Variants in RAB11FIP4 observed in about 807,000 individuals in gnomAD.
RAB11FIP4 encodes rab11 family-interacting protein 4.
In RAB11FIP4, 23 loss-of-function variants were observed where a neutral mutation model predicts 74.3. The ratio of observed to expected loss-of-function variants is 0.31; its 90% CI spans 0.22 to 0.44. The LOEUF is 0.44. Ranked by LOEUF, RAB11FIP4 falls within the 20% of genes least tolerant of loss-of-function variation. RAB11FIP4 has a pLI of 1.00. For missense variants in RAB11FIP4, 630 were observed against 863.9 expected (o/e 0.73, Z 3.39); for synonymous variants, 360 against 359.9 (o/e 1.00, Z 0.00).
At chr17:31,525,795 G>A (rs972135361) in intron 10 of RAB11FIP4, 4 of 156,754 alleles carry the variant, frequency 2.6e-5, no homozygotes, top group Non-Finnish European at 5.7e-5. Flanking sequence ...TCCAGACCCT[G>A]CCCACGGGTG....
At chr17:31,432,995 A>T (rs2071325034) in intron 2 of RAB11FIP4, among the ~76,000 whole-genome samples, 1 of 152,194 alleles carries the variant, frequency 6.6e-6, no homozygotes, top group African/African-American at 2.4e-5. Flanking sequence ...AAATACAAAA[A>T]ATTAGCCGGG....
At chr17:31,424,556 C>T (rs376922539) in intron 1 of RAB11FIP4, among the ~76,000 whole-genome samples, 21 of 150,484 alleles carry the variant, frequency 1.4e-4, no homozygotes, top group East Asian at 3.9e-4. Flanking sequence ...ACTACAGGCG[C>T]GCACCACCAC....
chr17:31,483,709 G>A (rs763115955), intron 3 of RAB11FIP4, among the ~76,000 whole-genome samples: 1 of 152,068 alleles, frequency 6.6e-6, no homozygotes, highest in Non-Finnish European at 1.5e-5. Flanking sequence ...TTGTTCACTT[G>A]GCTAATATTG....
chr17:31,432,219 G>A (rs1201515839), intron 2 of RAB11FIP4, among the ~76,000 whole-genome samples: 2 of 152,144 alleles, frequency 1.3e-5, no homozygotes, highest in Non-Finnish European at 2.9e-5. Context: ...CAAACCCAGT[G>A]AGTCTCCTGG....
At chr17:31,450,306 C>T (rs1382165319) in intron 3 of RAB11FIP4, among the ~76,000 whole-genome samples, 1 of 147,826 alleles carries the variant, frequency 6.8e-6, no homozygotes, top group East Asian at 2.0e-4. Context: ...CGCACACCAC[C>T]CCCCCGCCAC....
rs778461559 is a variant in RAB11FIP4, at chr17:31,405,374, C to CT, written c.159+13376dup. Among the ~76,000 whole-genome samples the CT allele has an allele frequency of 5.1e-3, 744 of 146,440 alleles. 5 individuals carry two copies. The highest frequency in any genetic ancestry group is 0.045 in the East Asian group (226 of 5,048). ...AGGAATCATTTGAAGGGCAGCTGAT[C>CT]TTTTTTTTTTTTTGAGACGGAGTCT... On this transcript the variant is annotated intron_variant, in intron 1 of 14. Coordinates refer to ENST00000621161, the MANE Select transcript of RAB11FIP4 (RefSeq NM_032932.6).
chr17:31,436,205 C>A (rs1041126862), intron 3 of RAB11FIP4, among the ~76,000 whole-genome samples: 12 of 152,212 alleles, frequency 7.9e-5, no homozygotes, highest in African/African-American at 2.9e-4. Context: ...GTGTCCTCAA[C>A]TGTAAAACAA....
At chr17:31,425,294 G>T (rs1475887146) in intron 1 of RAB11FIP4, among the ~76,000 whole-genome samples, 2 of 152,342 alleles carry the variant, frequency 1.3e-5, no homozygotes, top group East Asian at 1.9e-4. Context: ...TTTGATTCCC[G>T]TGAGTAATGG....
At chr17:31,472,094 G>A (rs753326965) in intron 3 of RAB11FIP4, among the ~76,000 whole-genome samples, 3 of 151,980 alleles carry the variant, frequency 2.0e-5, no homozygotes, top group Non-Finnish European at 2.9e-5. Context: ...CCCGGGAGGC[G>A]GAGGTTGCAG....
At chr17:31,432,009 GC>G in intron 2 of RAB11FIP4, 109 bp downstream of exon 2, 2 of 816,438 alleles carry the variant, frequency 2.4e-6, no homozygotes, top group East Asian at 2.6e-5. Flanking sequence ...GGGTCCCAGA[GC>G]CCAGGATGGG....
intron 1 of RAB11FIP4, among the ~76,000 whole-genome samples, chr17:31,423,769 A>G (rs1467956260): frequency 6.6e-6 from 1 of 152,194 alleles, no homozygotes; most frequent in Non-Finnish European, 1.5e-5. Flanking sequence ...GGAGTAGGCT[A>G]GGACCTCAAA....
At chr17:31,458,269 G>T (rs527955268) in intron 3 of RAB11FIP4, among the ~76,000 whole-genome samples, 1 of 152,202 alleles carries the variant, frequency 6.6e-6, no homozygotes, top group African/African-American at 2.4e-5. Context: ...ATCCCTGGAG[G>T]CAGGACCAGA....
At chr17:31,498,460 G>T (rs2072157959) in intron 3 of RAB11FIP4, among the ~76,000 whole-genome samples, 1 of 152,210 alleles carries the variant, frequency 6.6e-6, no homozygotes, top group Non-Finnish European at 1.5e-5. Flanking sequence ...AGGAGGAGAG[G>T]GTTATAAAAA....
chr17:31,402,835 C>T (rs1234065355), intron 1 of RAB11FIP4, among the ~76,000 whole-genome samples: 2 of 151,718 alleles, frequency 1.3e-5, no homozygotes, highest in Admixed American at 6.6e-5. Flanking sequence ...CCGTGTTAGC[C>T]AGGATGGTCT....
At chr17:31,486,184 A>C (rs2071899669) in intron 3 of RAB11FIP4, among the ~76,000 whole-genome samples, 1 of 152,078 alleles carries the variant, frequency 6.6e-6, no homozygotes, top group African/African-American at 2.4e-5. Flanking sequence ...CAGTGAGCCA[A>C]GCTCACGCCA....
At chr17:31,520,503 GT>G (rs1218560434) in intron 4 of RAB11FIP4, among the ~76,000 whole-genome samples, 2 of 151,898 alleles carry the variant, frequency 1.3e-5, no homozygotes, top group African/African-American at 4.8e-5. Context: ...TTTTTTGTTT[GT>G]TTTTTTGTTT....
chr17:31,527,829 C>A lies in RAB11FIP4; in HGVS notation c.1275-13C>A. 6.3e-7 allele frequency: 1 copy of A among 1,595,098 alleles called. No homozygotes were observed. Among genetic ancestry groups the A allele is most frequent in the Non-Finnish European group, 8.5e-7 (1 of 1,170,472 alleles). On this transcript the variant is annotated splice_polypyrimidine_tract_variant and intron_variant, in intron 10 of 14. Coordinates refer to ENST00000621161, the MANE Select transcript of RAB11FIP4 (RefSeq NM_032932.6). ...TTCCAGGTTTCTGAGATTTGTCTTT[C>A]TCCTTTCGCCAGGGTGCAGCAGTTG... is the stretch of plus-strand genomic sequence containing the variant.
In RAB11FIP4 at chr17:31,504,276, A is replaced by C. The variant is rs1427943029; in HGVS notation, c.337-13375A>C. Among the ~76,000 whole-genome samples, 2 of 149,422 alleles carry C rather than the reference A, an allele frequency of 1.3e-5. 1 individual carries two copies. The highest frequency in any genetic ancestry group is 5.1e-5 in the African/African-American group (2 of 39,034). ...CTCCCGAGTAGCTGGAACTACAGGC[A>C]CCCACCACCACGCCCGGCTAATTTT... is the stretch of plus-strand genomic sequence containing the variant. On this transcript the variant is annotated intron_variant, in intron 3 of 14. Coordinates refer to ENST00000621161, the MANE Select transcript of RAB11FIP4 (RefSeq NM_032932.6).
chr17:31,521,843 G>A lies in RAB11FIP4; in HGVS notation c.759-72G>A. The A allele has an allele frequency of 8.2e-6, 13 of 1,586,608 alleles. No homozygotes were observed. In the South Asian group the frequency reaches 1.3e-4, roughly 16 times the overall value. Reference sequence around the variant, plus strand: ...GGTACTGGGGACTCAAGTAAAGTCAGCTCAGCAGGGTGGTGTAGGGCACCA... The same window carrying A: ...GGTACTGGGGACTCAAGTAAAGTCAACTCAGCAGGGTGGTGTAGGGCACCA... On this transcript the variant is annotated intron_variant, in intron 5 of 14. Coordinates refer to ENST00000621161, the MANE Select transcript of RAB11FIP4 (RefSeq NM_032932.6).
Sources: gnomAD v4.1 joint callset for allele counts (sites outside exome capture counted in the v4.1 genomes callset) on GRCh38, gnomAD v4.1.1 for gene constraint, MANE v1.5 for transcripts, NCBI Gene and HGNC (gene_info 2026-07-23, HGNC 2026-07-21) for gene names.